Variants in ZNF169 observed in about 807,000 individuals in gnomAD.
ZNF169 encodes the protein zinc finger protein 169.
Under a neutral mutation model 12.0 loss-of-function variants are expected in ZNF169, and 11 were observed. The ratio of observed to expected loss-of-function variants is 0.92; its 90% CI spans 0.58 to 1.52. The LOEUF (loss-of-function observed/expected upper bound fraction) is 1.52. Among genes scored for constraint, ZNF169 ranks in the 40% most tolerant of loss-of-function variants. The pLI is 0.00. For synonymous variants in ZNF169, 302 were observed against 286.5 expected, an observed-to-expected ratio of 1.05 and a Z score of -0.55; for missense variants, 722 against 744.0, an observed-to-expected ratio of 0.97 and a Z score of 0.34.
intron 1 of ZNF169, among the ~76,000 whole-genome samples, chr9:94,260,146 G>T (rs1830174268): frequency 1.3e-5 from 2 of 152,088 alleles, no homozygotes; most frequent in Admixed American, 1.3e-4. Flanking sequence ...AGGCTGGAGT[G>T]CAGTGGCGTG....
chr9:94,282,707 A>C (rs62579661), intron 2 of ZNF169, among the ~76,000 whole-genome samples: 2 of 152,010 alleles, frequency 1.3e-5, no homozygotes, highest in Non-Finnish European at 2.9e-5. Context: ...GAATCTTAAA[A>C]TTTTTAAAAA....
chr9:94,280,196 C>T (rs529783149), intron 2 of ZNF169, among the ~76,000 whole-genome samples: 10 of 152,262 alleles, frequency 6.6e-5, no homozygotes, highest in African/African-American at 1.4e-4. Context: ...CTTATGAGAA[C>T]GTCACTGAGA....
chr9:94,292,122 A>G (rs1025757085), intron 2 of ZNF169, among the ~76,000 whole-genome samples: 1 of 152,260 alleles, frequency 6.6e-6, no homozygotes, highest in Non-Finnish European at 1.5e-5. Flanking sequence ...GTGTTTGATC[A>G]GCACAACAGA....
At chr9:94,274,967 G>T (rs1330158761) in intron 1 of ZNF169, among the ~76,000 whole-genome samples, 2 of 152,176 alleles carry the variant, frequency 1.3e-5, no homozygotes, top group Non-Finnish European at 2.9e-5. Flanking sequence ...ACTGGGCATG[G>T]TGCTTTATGC....
intron 4 of ZNF169, among the ~76,000 whole-genome samples, chr9:94,298,449 G>A (rs1439332914): frequency 6.6e-6 from 1 of 152,058 alleles, no homozygotes; most frequent in Admixed American, 6.6e-5. Context: ...GGGAGGCCGA[G>A]GCAGGCGGAT....
chr9:94,271,581 G>A (rs1003806058), intron 1 of ZNF169, among the ~76,000 whole-genome samples: 5 of 151,916 alleles, frequency 3.3e-5, no homozygotes, highest in Admixed American at 6.6e-5. Flanking sequence ...TTAGCTGGGC[G>A]TGGTGGTGCA....
intron 1 of ZNF169, among the ~76,000 whole-genome samples, chr9:94,273,705 G>A (rs1358367851): frequency 1.3e-5 from 2 of 150,210 alleles, no homozygotes; most frequent in Non-Finnish European, 3.0e-5. Context: ...TCAGCCTCCC[G>A]AGTAGCTGGG....
intron 1 of ZNF169, among the ~76,000 whole-genome samples, chr9:94,264,314 T>C (rs925573186): frequency 2.0e-5 from 3 of 152,084 alleles, no homozygotes; most frequent in South Asian, 2.1e-4. Flanking sequence ...TTTTGTATTT[T>C]TAGTAGAGAT....
At chr9:94,276,878 A>G (rs936005291) in intron 1 of ZNF169, among the ~76,000 whole-genome samples, 6 of 152,160 alleles carry the variant, frequency 3.9e-5, no homozygotes, top group Admixed American at 3.9e-4. Context: ...CTCCATATCC[A>G]GAATATCATG....
intron 1 of ZNF169, among the ~76,000 whole-genome samples, chr9:94,263,102 G>A (rs1396736930): frequency 6.6e-6 from 1 of 152,098 alleles, no homozygotes; most frequent in Non-Finnish European, 1.5e-5. Context: ...GTTTGGTCAA[G>A]TTAGTTATTA....
At chr9:94,266,065 A>C (rs1830285996) in intron 1 of ZNF169, among the ~76,000 whole-genome samples, 1 of 138,700 alleles carries the variant, frequency 7.2e-6, no homozygotes, top group Non-Finnish European at 1.5e-5. Flanking sequence ...CAGCCTGGGC[A>C]ACAGAGAAAG....
chr9:94,281,337 T>A (rs1261793796), intron 2 of ZNF169, among the ~76,000 whole-genome samples: 1 of 152,216 alleles, frequency 6.6e-6, no homozygotes, highest in East Asian at 1.9e-4. Flanking sequence ...ATTTAGGCAT[T>A]TTTCCTAAGG....
intron 2 of ZNF169, among the ~76,000 whole-genome samples, chr9:94,281,597 A>G (rs189027105): frequency 6.6e-6 from 1 of 152,344 alleles, no homozygotes; most frequent in East Asian, 1.9e-4. Flanking sequence ...ATGGCCCATG[A>G]CACAGCTCTC....
chr9:94,278,957 G>T, intron 2 of ZNF169, 112 bp downstream of exon 2: 1 of 1,041,896 alleles, frequency 9.6e-7, no homozygotes. Flanking sequence ...TTGTAGGCGT[G>T]ACTCATCTTA....
chr9:94,266,477 C>T lies in ZNF169; in HGVS notation c.-56+7132C>T, dbSNP rs972022732. Among the ~76,000 whole-genome samples, 7 of 152,276 alleles carry T rather than the reference C, an allele frequency of 4.6e-5. No individual in the cohort carries two copies. The South Asian group carries it at 8.3e-4, about 18-fold the overall frequency. ...CTCTGTTTTGGGGGCATAGAGGCAG[C>T]GCCTGCTGAAACATAGTAGTGTGCA... is the stretch of plus-strand genomic sequence containing the variant. On this transcript the variant is annotated intron_variant, in intron 1 of 4. Coordinates refer to ENST00000395395, the MANE Select transcript of ZNF169 (RefSeq NM_194320.4).
intron 1 of ZNF169, among the ~76,000 whole-genome samples, chr9:94,270,027 G>A (rs543291494): frequency 1.3e-5 from 2 of 152,206 alleles, no homozygotes; most frequent in South Asian, 4.1e-4. Context: ...AATAAAATTT[G>A]TTTAATCCTA....
intron 1 of ZNF169, among the ~76,000 whole-genome samples, chr9:94,264,670 A>G (rs967492672): frequency 1.3e-5 from 2 of 152,218 alleles, no homozygotes; most frequent in African/African-American, 4.8e-5. Context: ...GATTTATTAC[A>G]AAATCACAAC....
chr9:94,286,428 G>A (rs945600289), intron 2 of ZNF169, among the ~76,000 whole-genome samples: 3 of 152,158 alleles, frequency 2.0e-5, no homozygotes, highest in Non-Finnish European at 2.9e-5. Flanking sequence ...GGAGTCTGAT[G>A]CAGTTTGGCT....
chr9:94,268,532 G>A lies in ZNF169; in HGVS notation c.-56+9187G>A, dbSNP rs1047479531. On this transcript the variant is annotated intron_variant, in intron 1 of 4. Transcript: ENST00000395395. ...TGGCCTGGCACAGTGTCTCACGCCT[G>A]TAATCCCAGCACTTTGGGAGGCTGA... Among the ~76,000 whole-genome samples the A allele has an allele frequency of 2.0e-5, 3 of 152,058 alleles. No homozygotes were observed. The South Asian group carries it at 6.2e-4, about 32-fold the overall frequency.
Sources: gnomAD v4.1 joint callset for allele counts (sites outside exome capture counted in the v4.1 genomes callset) on GRCh38, gnomAD v4.1.1 for gene constraint, MANE v1.5 for transcripts, NCBI Gene and HGNC (gene_info 2026-07-23, HGNC 2026-07-21) for gene names.